ARHGEF28: variants seen among roughly 807,000 people sequenced by gnomAD.
ARHGEF28 encodes Rho guanine nucleotide exchange factor 28, also known as 190 kDa guanine nucleotide exchange factor.
A neutral mutation model predicts 206.6 loss-of-function variants in ARHGEF28; 152 were observed. The ratio of observed to expected loss-of-function variants is 0.74; its 90% CI spans 0.64 to 0.84. ARHGEF28 has a LOEUF of 0.84. Ranked by LOEUF, ARHGEF28 falls within the 40% of genes least tolerant of loss-of-function variation. ARHGEF28 has a pLI of 0.00. For synonymous variants in ARHGEF28, 763 were observed against 776.4 expected (o/e 0.98, Z 0.29); for missense variants, 2,028 against 2,073.2 (o/e 0.98, Z 0.42).
At chr5:73,765,596 A>G (rs986390979) in intron 4 of ARHGEF28, among the ~76,000 whole-genome samples, 4 of 152,196 alleles carry the variant, frequency 2.6e-5, no homozygotes, top group Non-Finnish European at 4.4e-5. Flanking sequence ...ATATAATTCC[A>G]TCGTAAGTCA....
intron 2 of ARHGEF28, among the ~76,000 whole-genome samples, chr5:73,717,939 G>A (rs530513376): frequency 3.9e-5 from 6 of 152,038 alleles, no homozygotes; most frequent in Non-Finnish European, 7.4e-5. Context: ...GTGCTGGCGC[G>A]ATCATCTTAG....
chr5:73,790,125 C>T lies in ARHGEF28; in HGVS notation c.911-4277C>T, dbSNP rs553709173. On this transcript the variant is annotated intron_variant, in intron 7 of 35. Transcript: ENST00000513042. ...TCCAAAATCATTTCTTCATTGAACT[C>T]TATTCAGACAAAAAGAGCAATGGAA... Among the ~76,000 whole-genome samples the T allele has an allele frequency of 9.9e-5, 15 of 152,092 alleles. No homozygotes were observed. In the East Asian group the frequency reaches 2.7e-3, roughly 27 times the overall value.
At chr5:73,654,768 A>G (rs1016029795) in intron 1 of ARHGEF28, among the ~76,000 whole-genome samples, 8 of 152,194 alleles carry the variant, frequency 5.3e-5, no homozygotes, top group Non-Finnish European at 8.8e-5. Flanking sequence ...TGTCAGGTTT[A>G]GCTCATTGCT....
intron 14 of ARHGEF28, among the ~76,000 whole-genome samples, chr5:73,857,164 C>T (rs368892840): frequency 1.3e-5 from 2 of 152,220 alleles, no homozygotes; most frequent in African/African-American, 4.8e-5. Context: ...CAGGCCGTAT[C>T]AACAGAGGAA....
intron 21 of ARHGEF28, among the ~76,000 whole-genome samples, chr5:73,871,108 A>G (rs1326527930): frequency 2.0e-5 from 3 of 152,166 alleles, no homozygotes; most frequent in Non-Finnish European, 4.4e-5. Context: ...AGCAATTTAT[A>G]TTCTACTGTC....
chr5:73,892,725 G>A (rs1402915439), intron 27 of ARHGEF28, among the ~76,000 whole-genome samples: 1 of 152,178 alleles, frequency 6.6e-6, no homozygotes, highest in Admixed American at 6.5e-5. Context: ...GTGGATCTAA[G>A]TATTCTAAGT....
intron 1 of ARHGEF28, among the ~76,000 whole-genome samples, chr5:73,662,496 G>T (rs936109820): frequency 6.6e-6 from 1 of 151,994 alleles, no homozygotes; most frequent in Non-Finnish European, 1.5e-5. Context: ...CTTATTCTTT[G>T]GTTTCTCTTG....
chr5:73,911,439 G>A lies in ARHGEF28; in HGVS notation c.4812G>A (p.Arg1604=), dbSNP rs748155947. 5.0e-6 allele frequency: 8 copies of A among 1,613,960 alleles called. No individual in the cohort carries two copies. Among genetic ancestry groups the A allele is most frequent in the East Asian group, 4.5e-5 (2 of 44,874 alleles). Residue 1604 remains arginine (R), a synonymous_variant, in exon 35 of 36, where the codon AGG becomes AGA. Transcript: ENST00000513042. ...PTTQSHSDLV[R]TSEHQVDLKV... The stretch of plus-strand genomic sequence containing the variant: ...CTCAATCTCATTCTGACTTGGTGAG[G>A]ACTAGTGAACATCAAGTAGACCTCA...
At position 73,936,892 on chromosome 5, in the gene ARHGEF28, C is replaced by A. The variant is rs79081537; in HGVS notation, c.4949-3952C>A. On this transcript the variant is annotated intron_variant, in intron 35 of 35. Transcript: ENST00000513042. The stretch of plus-strand genomic sequence containing the variant: ...CACTTTGTTCATTTTAAATATGACA[C>A]ATAGTTGCATTTTATGCACTGAGAT... Among the ~76,000 whole-genome samples, 392 of 152,230 alleles carry A rather than the reference C, an allele frequency of 2.6e-3. 2 individuals are homozygous for A. Among genetic ancestry groups the A allele is most frequent in the South Asian group, 0.013 (61 of 4,814 alleles).
chr5:73,710,337 G>T (rs1749165390), intron 2 of ARHGEF28, among the ~76,000 whole-genome samples: 1 of 152,094 alleles, frequency 6.6e-6, no homozygotes, highest in Non-Finnish European at 1.5e-5. Context: ...ATGCTTACTT[G>T]CTATTTATAG....
At chr5:73,916,113 A>G (rs568427000) in intron 35 of ARHGEF28, among the ~76,000 whole-genome samples, 13 of 152,298 alleles carry the variant, frequency 8.5e-5, no homozygotes, top group Admixed American at 2.0e-4. Flanking sequence ...TTTTTTATGT[A>G]AGGGAAGAAA....
At chr5:73,831,773 C>T (rs991199856) in intron 9 of ARHGEF28, among the ~76,000 whole-genome samples, 1 of 152,280 alleles carries the variant, frequency 6.6e-6, no homozygotes, top group Admixed American at 6.5e-5. Flanking sequence ...CTCACCGCAA[C>T]GTCCACCTCC....
chr5:73,910,381 C>CAAAAAAAAAAAA (rs60086897), intron 34 of ARHGEF28, among the ~76,000 whole-genome samples: 2 of 31,002 alleles, frequency 6.5e-5, no homozygotes, highest in Admixed American at 4.1e-4. Flanking sequence ...AACACCATCT[C>CAAAAAAAAAAAA]AAAAAAAAAA....
chr5:73,668,427 G>A (rs1414769552), intron 1 of ARHGEF28, among the ~76,000 whole-genome samples: 2 of 152,326 alleles, frequency 1.3e-5, no homozygotes, highest in Non-Finnish European at 2.9e-5. Flanking sequence ...TGGCAAGAGA[G>A]CATGACAGAG....
chr5:73,741,701 G>A (rs1370983026), intron 2 of ARHGEF28, among the ~76,000 whole-genome samples: 1 of 151,918 alleles, frequency 6.6e-6, no homozygotes, highest in Non-Finnish European at 1.5e-5. Context: ...TTACAGGCAT[G>A]AGCCACTGCA....
intron 2 of ARHGEF28, among the ~76,000 whole-genome samples, chr5:73,735,222 T>C (rs1750847436): frequency 6.7e-6 from 1 of 149,316 alleles, no homozygotes; most frequent in Non-Finnish European, 1.5e-5. Flanking sequence ...CATTTATTAA[T>C]TTTTATTAAT....
chr5:73,774,001 C>A lies in ARHGEF28; in HGVS notation c.622C>A (p.Arg208Ser). The A allele has an allele frequency of 6.2e-7, 1 of 1,604,284 alleles. No individual in the cohort carries two copies. The highest frequency in any genetic ancestry group is 8.5e-7 in the Non-Finnish European group (1 of 1,175,212). ...TGCCACACCATTAGACTTAGCTTTA[C>A]GTGAAGGACACTCCAAGCTGGTGGA... Reference protein sequence around the residue: ...EGATPLDLALREGHSKLVEDV... With the variant: ...EGATPLDLALSEGHSKLVEDV... Residue 208 changes from arginine (R) to serine (S), a missense_variant, in exon 5 of 36, where the codon CGT becomes AGT. Physicochemically the swap from Arg to Ser is moderately radical, Grantham distance 110. Transcript: ENST00000513042.
rs572058306 is a variant in ARHGEF28 at position 73,702,738 on chromosome 5, G to A, written c.33+17854G>A. On this transcript the variant is annotated intron_variant, in intron 2 of 35. Coordinates refer to ENST00000513042, the MANE Select transcript of ARHGEF28 (RefSeq NM_001177693.2). Reference sequence around the variant, plus strand: ...TTTTTTAAATAATAGCCATCCTGCTGAGTATGAAGTGGTATGGTATAGATT... The same window carrying A: ...TTTTTTAAATAATAGCCATCCTGCTAAGTATGAAGTGGTATGGTATAGATT... Among the ~76,000 whole-genome samples, 437 of 152,314 alleles carry A rather than the reference G, an allele frequency of 2.9e-3. 4 individuals are homozygous for A. The highest frequency in any genetic ancestry group is 4.4e-3 in the Non-Finnish European group (301 of 68,024).
intron 4 of ARHGEF28, among the ~76,000 whole-genome samples, chr5:73,765,261 A>G (rs1467228672): frequency 6.6e-6 from 1 of 152,208 alleles, no homozygotes; most frequent in Non-Finnish European, 1.5e-5. Context: ...TTGATTTATG[A>G]TTTTGATTTT....
Sources: allele counts gnomAD v4.1 joint callset (sites outside exome capture counted in the v4.1 genomes callset), GRCh38; gene constraint gnomAD v4.1.1; transcripts MANE v1.5; gene names NCBI Gene and HGNC (gene_info 2026-07-23, HGNC 2026-07-21).